Variants in CAT observed in about 807,000 individuals in gnomAD.
The protein encoded by CAT is epididymis secretory sperm binding protein.
In CAT, 43 loss-of-function variants were observed where a neutral mutation model predicts 59.0. The ratio of observed to expected loss-of-function variants is 0.73; its 90% CI spans 0.57 to 0.94. The LOEUF (loss-of-function observed/expected upper bound fraction) is 0.94. Ranked by LOEUF, CAT falls within the 40% of genes least tolerant of loss-of-function variation. The pLI is 0.00. For synonymous variants in CAT, 218 were observed against 230.9 expected, an observed-to-expected ratio of 0.94 and a Z score of 0.51; for missense variants, 664 against 682.9, an observed-to-expected ratio of 0.97 and a Z score of 0.31.
At chr11:34,439,349 A>T (rs530054737) in intron 1 of CAT, among the ~76,000 whole-genome samples, 1 of 152,252 alleles carries the variant, frequency 6.6e-6, no homozygotes, top group African/African-American at 2.4e-5. Context: ...GCCAACTGGG[A>T]CAGAGGTCGC....
At position 34,456,031 on chromosome 11, in the gene CAT, C is replaced by T. The variant is rs1470673352; in HGVS notation, c.732C>T (p.Asn244=). Residue 244 remains asparagine (N), a synonymous_variant, in exon 7 of 13, where the codon AAC becomes AAT. Transcript: ENST00000241052. ...TGTAGACTGACCAGGGCATCAAAAA[C>T]CTTTCTGTTGAAGATGCGGCGAGAC... ...FHYKTDQGIK[N]LSVEDAARLS... The T allele has an allele frequency of 6.2e-7, 1 of 1,613,934 alleles. No individual in the cohort carries two copies. The highest frequency in any genetic ancestry group is 8.5e-7 in the Non-Finnish European group (1 of 1,180,020).
intron 1 of CAT, among the ~76,000 whole-genome samples, chr11:34,441,948 A>G (rs754795150): frequency 2.2e-4 from 33 of 152,218 alleles, no homozygotes; most frequent in Non-Finnish European, 2.8e-4. Flanking sequence ...CCTTTTTCCA[A>G]AGTGGTTGTA....
In CAT at chr11:34,452,208, G is replaced by A. The variant is rs80102690; in HGVS notation, c.480+1G>A. 6.2e-7 allele frequency: 1 copy of A among 1,613,420 alleles called. No individual in the cohort carries two copies. Among genetic ancestry groups the A allele is most frequent in the African/African-American group, 1.3e-5 (1 of 74,986 alleles). ...TTTCTTCATCAGGGATCCCATATTGGTAGGTAATAGAGTATTTTGCACTCA... is the reference window on the plus strand; with the variant it reads ...TTTCTTCATCAGGGATCCCATATTGATAGGTAATAGAGTATTTTGCACTCA... On this transcript the variant is annotated splice_donor_variant, in intron 4 of 12. Coordinates refer to ENST00000241052, the MANE Select transcript of CAT (RefSeq NM_001752.4). LOFTEE classifies it high-confidence loss of function.
At chr11:34,461,528 CTG>C in intron 9 of CAT, 139 bp downstream of exon 9, 1 of 985,318 alleles carries the variant, frequency 1.0e-6, no homozygotes, top group Non-Finnish European at 1.6e-6. Context: ...GTGCTGCTAA[CTG>C]GGCGCTTTTT....
chr11:34,450,314 T>A (rs780380532), intron 2 of CAT, among the ~76,000 whole-genome samples: 5 of 152,224 alleles, frequency 3.3e-5, no homozygotes, highest in Non-Finnish European at 5.9e-5. Flanking sequence ...TTTGTGATGA[T>A]TTTTCCTTTC....
Position 34,461,292 on chromosome 11 carries a change from G to A in CAT, c.1098G>A (p.Leu366=), listed in dbSNP as rs570267271. The change falls in exon 9 of 13, where the codon CTG becomes CTA. Residue 366 remains leucine, a synonymous_variant. Transcript: ENST00000241052. ...FAYPDTHRHR[L]GPNYLHIPVN... ...ATCCTGACACTCACCGCCATCGCCT[G>A]GGACCCAATTATCTTCATATACCTG... 1 of 1,614,192 alleles carries A rather than the reference G, an allele frequency of 6.2e-7. No homozygotes were observed. Among genetic ancestry groups the A allele is most frequent in the South Asian group, 1.1e-5 (1 of 91,078 alleles).
Position 34,471,466 on chromosome 11 carries a change from A to G in CAT, c.*33A>G, listed in dbSNP as rs753434898. The stretch of plus-strand genomic sequence containing the variant: ...GCCCTGCACCTGTGCAGCGAAGCTT[A>G]GCGTTCATCCGTGTAACCCGCTCAT... On this transcript the variant is annotated 3_prime_UTR_variant, in exon 13 of 13. Transcript: ENST00000241052. The G allele has an allele frequency of 3.8e-6, 6 of 1,590,632 alleles. No homozygotes were observed. The highest frequency in any genetic ancestry group is 5.2e-6 in the Non-Finnish European group (6 of 1,158,496).
chr11:34,449,281 T>C lies in CAT; in HGVS notation c.156T>C (p.Val52=), dbSNP rs367757970. ...ITVGPRGPLL[V]QDVVFTDEMA... ...TAGGGCCCCGTGGGCCCCTTCTTGT[T>C]CAGGATGTGGTTTTCACTGATGAAA... The change falls in exon 2 of 13, where the codon GTT becomes GTC. Residue 52 remains valine, a synonymous_variant. Coordinates refer to ENST00000241052, the MANE Select transcript of CAT (RefSeq NM_001752.4). 1 of 1,613,982 alleles carries C rather than the reference T, an allele frequency of 6.2e-7. No homozygotes were observed. Among genetic ancestry groups the C allele is most frequent in the Non-Finnish European group, 8.5e-7 (1 of 1,179,942 alleles).
chr11:34,453,190 A>G lies in CAT; in HGVS notation c.581A>G (p.His194Arg), dbSNP rs1471015108. The change falls in exon 5 of 13, where the codon CAT (histidine) becomes CGT (arginine). Residue 194 changes from histidine (H) to arginine (R), a missense_variant. By Grantham distance (29) the His-to-Arg change is conservative. Coordinates refer to ENST00000241052, the MANE Select transcript of CAT (RefSeq NM_001752.4). Reference sequence around the variant, plus strand: ...TGGAGCCTACGTCCTGAGTCTCTGCATCAGGTATGAACCCTTTTTTGCCAT... The same window carrying G: ...TGGAGCCTACGTCCTGAGTCTCTGCGTCAGGTATGAACCCTTTTTTGCCAT... ...DFWSLRPESL[H>R]QVSFLFSDRG... is the part of the protein sequence containing the mutation. 1.3e-6 allele frequency: 2 copies of G among 1,587,358 alleles called. No individual in the cohort carries two copies. Among genetic ancestry groups the G allele is most frequent in the South Asian group, 1.1e-5 (1 of 90,530 alleles).
At chr11:34,443,687 CT>C (rs1208058303) in intron 1 of CAT, among the ~76,000 whole-genome samples, 5 of 151,938 alleles carry the variant, frequency 3.3e-5, no homozygotes, top group African/African-American at 4.8e-5. Flanking sequence ...CATTTCAAAC[CT>C]TACCTTTTTA....
In CAT at chr11:34,451,036, A is replaced by C. The variant is rs770509898; in HGVS notation, c.287A>C (p.Lys96Thr). The change falls in exon 3 of 13, where the codon AAG (lysine) becomes ACG (threonine). Residue 96 changes from lysine (K) to threonine (T), a missense_variant. Lys to Thr is a moderately conservative substitution (Grantham distance 78, BLOSUM62 -1). Transcript: ENST00000241052. ...ACACATGACATTACCAAATACTCCA[A>C]GGCAAAGGTATTTGAGCATATTGGA... ...EVTHDITKYS[K>T]AKVFEHIGKK... 1.2e-6 allele frequency: 2 copies of C among 1,613,938 alleles called. No homozygotes were observed. Among genetic ancestry groups the C allele is most frequent in the Non-Finnish European group, 1.7e-6 (2 of 1,179,786 alleles).
chr11:34,441,670 T>C (rs1294650659), intron 1 of CAT, among the ~76,000 whole-genome samples: 1 of 152,146 alleles, frequency 6.6e-6, no homozygotes, highest in Non-Finnish European at 1.5e-5. Context: ...GACACATGCC[T>C]GTAGTCCCAG....
rs776502660 is a variant in CAT at position 34,461,246 on chromosome 11, T to C, written c.1057-5T>C. 3.6e-5 allele frequency: 58 copies of C among 1,614,096 alleles called. No individual in the cohort carries two copies. In the Middle Eastern group the frequency reaches 9.9e-4, roughly 27 times the overall value. On this transcript the variant is annotated splice_polypyrimidine_tract_variant and splice_region_variant and intron_variant, in intron 8 of 12. Transcript: ENST00000241052. ...AGTCAGTGTCTATTGTATTTATTAC[T>C]GCAGGGCCGCCTTTTTGCCTATCCT...
intron 1 of CAT, among the ~76,000 whole-genome samples, chr11:34,444,806 G>A (rs986783543): frequency 6.6e-6 from 1 of 152,176 alleles, no homozygotes; most frequent in African/African-American, 2.4e-5. Context: ...CTTCATTTAT[G>A]TATTAGCTCT....
At chr11:34,467,667 G>C (rs565122476) in intron 10 of CAT, among the ~76,000 whole-genome samples, 3 of 152,018 alleles carry the variant, frequency 2.0e-5, no homozygotes, top group Non-Finnish European at 4.4e-5. Context: ...TTTCAGAATG[G>C]GGCAGAGGCT....
chr11:34,455,961 A>G (rs771262072), intron 6 of CAT, 50 bp from the exon 7 acceptor site: 30 of 1,522,944 alleles, frequency 2.0e-5, no homozygotes, highest in Middle Eastern at 3.4e-4. Flanking sequence ...TGAAATTTTG[A>G]TAACTTTGAC....
chr11:34,470,779 A>G, intron 11 of CAT, 179 bp from the exon 12 acceptor site: 1 of 699,892 alleles, frequency 1.4e-6, no homozygotes, highest in Non-Finnish European at 2.6e-6. Context: ...TATATGTCAG[A>G]GTGTTCACTG....
At position 34,456,727 on chromosome 11, in the gene CAT, A is replaced by T; in HGVS notation, c.966A>T (p.Pro322=). Residue 322 remains proline (P), a synonymous_variant, in exon 8 of 13, where the codon CCA becomes CCT. Transcript: ENST00000241052. ...GTAAACTGGTCTTAAACCGGAATCCAGTTAATTACTTTGCTGAGGTTGAAC... is the reference window on the plus strand; with the variant it reads ...GTAAACTGGTCTTAAACCGGAATCCTGTTAATTACTTTGCTGAGGTTGAAC... ...PVGKLVLNRN[P]VNYFAEVEQI... is the part of the protein sequence containing the mutation. 6.2e-7 allele frequency: 1 copy of T among 1,614,100 alleles called. No homozygotes were observed. The highest frequency in any genetic ancestry group is 8.5e-7 in the Non-Finnish European group (1 of 1,179,940).
chr11:34,465,869 A>G (rs1267526167), intron 10 of CAT, among the ~76,000 whole-genome samples: 1 of 152,250 alleles, frequency 6.6e-6, no homozygotes, highest in Non-Finnish European at 1.5e-5. Context: ...GAGAGCTAAC[A>G]AAGCAACAAG....
Sources: allele counts gnomAD v4.1 joint callset (sites outside exome capture counted in the v4.1 genomes callset), GRCh38; gene constraint gnomAD v4.1.1; transcripts MANE v1.5; gene names NCBI Gene and HGNC (gene_info 2026-07-23, HGNC 2026-07-21).